The following CD86 variants were observed in gnomAD, a reference collection of about 807,000 sequenced individuals.
CD86 encodes T-lymphocyte activation antigen CD86.
CD86 carries 11 observed loss-of-function variants against 32.1 expected under a neutral mutation model. That is an observed-to-expected ratio of 0.34 (90% CI 0.22 to 0.57). CD86 has a LOEUF of 0.57. CD86 is among the 20% of genes least tolerant of loss of function. The pLI is 0.86. For missense variants in CD86, 359 were observed against 398.4 expected (o/e 0.90, Z 0.84); for synonymous variants, 137 against 135.3 (o/e 1.01, Z -0.09).
intron 2 of CD86, among the ~76,000 whole-genome samples, chr3:122,102,264 A>G (rs1049232696): frequency 1.3e-5 from 2 of 152,024 alleles, no homozygotes; most frequent in Non-Finnish European, 2.9e-5. Flanking sequence ...CAATGTCAAC[A>G]TGCCTTCACA....
intron 1 of CD86, among the ~76,000 whole-genome samples, chr3:122,065,517 T>TAATC (rs1347380552): frequency 6.6e-6 from 1 of 152,234 alleles, no homozygotes; most frequent in Non-Finnish European, 1.5e-5. Flanking sequence ...AGTGTGCTAA[T>TAATC]AATCCCACAT....
intron 3 of CD86, among the ~76,000 whole-genome samples, chr3:122,105,181 G>C (rs2073071798): frequency 6.6e-6 from 1 of 152,232 alleles, no homozygotes; most frequent in Non-Finnish European, 1.5e-5. Flanking sequence ...GTGGGACACA[G>C]ATAAGCATTT....
At chr3:122,089,242 T>C (rs562606242) in intron 1 of CD86, among the ~76,000 whole-genome samples, 1 of 152,282 alleles carries the variant, frequency 6.6e-6, no homozygotes, top group East Asian at 1.9e-4. Context: ...GTTCTGAAGA[T>C]GGATGTAGTG....
intron 1 of CD86, among the ~76,000 whole-genome samples, chr3:122,077,461 T>C (rs187408307): frequency 1.3e-4 from 20 of 152,290 alleles, no homozygotes; most frequent in African/African-American, 4.3e-4. Context: ...GGTGGAGAGA[T>C]GTACTTAATG....
rs775704428 is a variant in CD86, at chr3:122,103,812, G to A, written c.365G>A (p.Arg122His). ...IHHKKPTGMI[R>H]IHQMNSELSV... ...CACAAAAAGCCCACAGGAATGATTC[G>A]CATCCACCAGATGAATTCTGAACTG... The change falls in exon 3 of 7, where the codon CGC (arginine) becomes CAC (histidine). Residue 122 changes from arginine (R) to histidine (H), a missense_variant. Physicochemically the swap from Arg to His is conservative, Grantham distance 29. Coordinates refer to ENST00000330540, the MANE Select transcript of CD86 (RefSeq NM_175862.5). The A allele has an allele frequency of 2.0e-5, 33 of 1,613,586 alleles. No individual in the cohort carries two copies. Among genetic ancestry groups the A allele is most frequent in the Admixed American group, 1.5e-4 (9 of 59,976 alleles).
chr3:122,086,045 C>G (rs2072712716), intron 1 of CD86, among the ~76,000 whole-genome samples: 1 of 152,184 alleles, frequency 6.6e-6, no homozygotes, highest in African/African-American at 2.4e-5. Context: ...CTACCTACCA[C>G]CTTCCACACT....
At chr3:122,070,252 C>A (rs114934491) in intron 1 of CD86, among the ~76,000 whole-genome samples, 5 of 152,024 alleles carry the variant, frequency 3.3e-5, no homozygotes, top group Non-Finnish European at 7.4e-5. Context: ...AGAAATTGAT[C>A]GAATGCAAGA....
chr3:122,105,725 G>C (rs1312797525), intron 3 of CD86, among the ~76,000 whole-genome samples: 6 of 152,096 alleles, frequency 3.9e-5, no homozygotes, highest in Non-Finnish European at 8.8e-5. Context: ...AATCCTGCTT[G>C]GGTTTCTGAA....
chr3:122,068,065 G>A (rs2072439012), intron 1 of CD86, among the ~76,000 whole-genome samples: 2 of 152,016 alleles, frequency 1.3e-5, no homozygotes, highest in Admixed American at 1.3e-4. Flanking sequence ...AATGTGCAGT[G>A]CCCCGTCCCC....
chr3:122,073,928 G>C (rs2072523439), intron 1 of CD86, among the ~76,000 whole-genome samples: 1 of 152,186 alleles, frequency 6.6e-6, no homozygotes, highest in Admixed American at 6.5e-5. Context: ...TTGAAAAAGA[G>C]ACTGTAACTG....
chr3:122,096,551 A>T (rs1362958580), intron 2 of CD86, among the ~76,000 whole-genome samples: 1 of 152,232 alleles, frequency 6.6e-6, no homozygotes, highest in African/African-American at 2.4e-5. Flanking sequence ...AAAACAAGTA[A>T]ATCAATTAAT....
chr3:122,068,305 A>G (rs1420145498), intron 1 of CD86, among the ~76,000 whole-genome samples: 1 of 152,164 alleles, frequency 6.6e-6, no homozygotes, highest in East Asian at 1.9e-4. Flanking sequence ...ATTTGTTAAA[A>G]TGTGTTAGTT....
At chr3:122,056,973 C>A (rs907052577) in intron 1 of CD86, among the ~76,000 whole-genome samples, 12 of 152,038 alleles carry the variant, frequency 7.9e-5, no homozygotes, top group Non-Finnish European at 1.3e-4. Flanking sequence ...TGGTCATGAA[C>A]CAGTAATAGC....
chr3:122,057,633 G>GT (rs1338311823), intron 1 of CD86, among the ~76,000 whole-genome samples: 3 of 152,012 alleles, frequency 2.0e-5, no homozygotes, highest in Non-Finnish European at 4.4e-5. Context: ...ACAATAGCTG[G>GT]TTTTTTTCAG....
intron 1 of CD86, chr3:122,077,905 G>C: frequency 1.0e-6 from 1 of 985,456 alleles, no homozygotes; most frequent in Non-Finnish European, 1.2e-6. Flanking sequence ...TCTCTACAAG[G>C]AGCCTTAGGA....
chr3:122,080,319 A>G (rs538434496), intron 1 of CD86, among the ~76,000 whole-genome samples: 1 of 152,264 alleles, frequency 6.6e-6, no homozygotes, highest in East Asian at 1.9e-4. Flanking sequence ...TCTCAAATTC[A>G]TCAATAGTTT....
At position 122,063,444 on chromosome 3, in the gene CD86, G is replaced by C. The variant is rs536526368; in HGVS notation, c.14+7941G>C. 2.6e-5 allele frequency among the ~76,000 whole-genome samples: 4 copies of C among 152,128 alleles called. No homozygotes were observed. The East Asian group carries it at 7.7e-4, about 29-fold the overall frequency. ...TCAACCTAAATAAGTAGAAGAATAGGTAAGTAAGTTAAAAATGAAGTTAAT... is the reference window on the plus strand; with the variant it reads ...TCAACCTAAATAAGTAGAAGAATAGCTAAGTAAGTTAAAAATGAAGTTAAT... On this transcript the variant is annotated intron_variant, in intron 1 of 6. Coordinates refer to ENST00000330540, the MANE Select transcript of CD86 (RefSeq NM_175862.5).
intron 5 of CD86, among the ~76,000 whole-genome samples, chr3:122,114,955 G>T (rs1338032292): frequency 6.6e-6 from 1 of 152,168 alleles, no homozygotes; most frequent in African/African-American, 2.4e-5. Flanking sequence ...CCTTAAGATG[G>T]CGAATGTGGG....
chr3:122,101,352 C>T (rs2072996138), intron 2 of CD86, among the ~76,000 whole-genome samples: 1 of 151,666 alleles, frequency 6.6e-6, no homozygotes, highest in Admixed American at 6.6e-5. Flanking sequence ...CTTTCAGTTG[C>T]TAGGTGAAGA....
Sources: gnomAD v4.1 joint callset for allele counts (sites outside exome capture counted in the v4.1 genomes callset) on GRCh38, gnomAD v4.1.1 for gene constraint, MANE v1.5 for transcripts, NCBI Gene and HGNC (gene_info 2026-07-23, HGNC 2026-07-21) for gene names.